Variants in CSMD1 observed in about 807,000 individuals in gnomAD.
CSMD1 encodes the protein CUB and sushi domain-containing protein 1.
CSMD1 carries 213 observed loss-of-function variants against 417.5 expected under a neutral mutation model. That is an observed-to-expected ratio of 0.51 (90% confidence interval 0.46 to 0.57). The LOEUF is 0.57. Ranked by LOEUF, CSMD1 falls within the 20% of genes least tolerant of loss-of-function variation. The pLI is 0.00. For synonymous variants in CSMD1, 2,862 were observed against 1,736.8 expected, an observed-to-expected ratio of 1.65 and a Z score of -16.11; for missense variants, 6,923 against 4,529.7, an observed-to-expected ratio of 1.53 and a Z score of -15.17.
In CSMD1 at chr8:3,253,051, T is replaced by C. The variant is rs150807806; in HGVS notation, c.4154-22820A>G. Among the ~76,000 whole-genome samples, 438 of 152,210 alleles carry C rather than the reference T, an allele frequency of 2.9e-3. 2 individuals carry two copies. Among genetic ancestry groups the C allele is most frequent in the African/African-American group, 0.01 (417 of 41,546 alleles). The stretch of plus-strand genomic sequence containing the variant: ...TTGATTTTTTGAAGGGTATTTTAGT[T>C]ATTTCTTTCCTTCTGCTAGCTTTTG... On this transcript the variant is annotated intron_variant, in intron 26 of 69. Transcript: ENST00000635120.
rs569372915 is a variant in CSMD1, at chr8:4,973,932, A to T, written c.85+20400T>A. Among the ~76,000 whole-genome samples the T allele has an allele frequency of 3.9e-5, 6 of 152,350 alleles. No individual in the cohort carries two copies. In the South Asian group the frequency reaches 8.3e-4, roughly 21 times the overall value. On this transcript the variant is annotated intron_variant, in intron 1 of 69. Coordinates refer to ENST00000635120, the MANE Select transcript of CSMD1 (RefSeq NM_033225.6). ...AAGTCTGTCTGTTTCTTGGAATAAA[A>T]AGGAAAAGTAATTTTTACAAAGCTA...
intron 7 of CSMD1, among the ~76,000 whole-genome samples, chr8:3,697,453 C>G (rs904237021): frequency 6.6e-5 from 10 of 152,164 alleles, no homozygotes; most frequent in African/African-American, 2.4e-4. Flanking sequence ...AATTAATTAT[C>G]TTGCTGACTT....
At chr8:4,792,215 G>C (rs1172980578) in intron 1 of CSMD1, among the ~76,000 whole-genome samples, 2 of 152,042 alleles carry the variant, frequency 1.3e-5, no homozygotes, top group South Asian at 2.1e-4. Flanking sequence ...AGACACAAAA[G>C]TAGAGATTAA....
intron 26 of CSMD1, among the ~76,000 whole-genome samples, chr8:3,261,107 A>G (rs950745764): frequency 6.6e-6 from 1 of 152,246 alleles, no homozygotes; most frequent in African/African-American, 2.4e-5. Flanking sequence ...AAATAAATGC[A>G]GAGATATCAC....
chr8:4,138,483 A>C (rs1320883155), intron 3 of CSMD1, among the ~76,000 whole-genome samples: 1 of 152,106 alleles, frequency 6.6e-6, no homozygotes, highest in Non-Finnish European at 1.5e-5. Flanking sequence ...AAGTGCCTTC[A>C]TTCCATCCAC....
intron 3 of CSMD1, among the ~76,000 whole-genome samples, chr8:4,183,586 A>C (rs1227652332): frequency 6.6e-6 from 1 of 152,222 alleles, no homozygotes; most frequent in Non-Finnish European, 1.5e-5. Flanking sequence ...ACTTAAGTAA[A>C]AATTCATAAT....
chr8:4,653,890 A>G (rs1804063140), intron 1 of CSMD1, among the ~76,000 whole-genome samples: 2 of 152,096 alleles, frequency 1.3e-5, no homozygotes, highest in South Asian at 4.1e-4. Context: ...CATGCAAAAT[A>G]TCTCAGTAGT....
At chr8:3,333,932 T>C (rs1807071679) in intron 23 of CSMD1, among the ~76,000 whole-genome samples, 1 of 152,236 alleles carries the variant, frequency 6.6e-6, no homozygotes, top group Non-Finnish European at 1.5e-5. Context: ...AATTAGATTG[T>C]AGAAAATGTG....
intron 7 of CSMD1, among the ~76,000 whole-genome samples, chr8:3,630,454 G>T (rs563559048): frequency 1.3e-5 from 2 of 152,170 alleles, no homozygotes; most frequent in Non-Finnish European, 2.9e-5. Context: ...GAACAAGAAA[G>T]AAGAAAAGGA....
chr8:3,220,585 C>G (rs12547160), intron 28 of CSMD1, among the ~76,000 whole-genome samples: 41,579 of 152,126 alleles, frequency 0.27, 5,823 homozygotes, highest in East Asian at 0.3. Context: ...GTAATCCCAG[C>G]ACTTTGGGAG....
rs571495463 is a variant in CSMD1 at position 3,368,481 on chromosome 8, C to T, written c.2899+773G>A. 5.3e-5 allele frequency among the ~76,000 whole-genome samples: 8 copies of T among 152,252 alleles called. No individual in the cohort carries two copies. The South Asian group carries it at 1.7e-3, about 32-fold the overall frequency. ...CCCCCAGAGTAGCTGCGATTACAGGCATGCACCACGATGCCTGGCTAATTA... is the reference window on the plus strand; with the variant it reads ...CCCCCAGAGTAGCTGCGATTACAGGTATGCACCACGATGCCTGGCTAATTA... On this transcript the variant is annotated intron_variant, in intron 19 of 69. Coordinates refer to ENST00000635120, the MANE Select transcript of CSMD1 (RefSeq NM_033225.6).
intron 1 of CSMD1, among the ~76,000 whole-genome samples, chr8:4,792,983 A>AATATAT (rs34947549): frequency 1.0e-4 from 15 of 148,582 alleles, no homozygotes; most frequent in African/African-American, 3.7e-4. Flanking sequence ...ATGTGTATGC[A>AATATAT]ATATATATAT....
At chr8:4,406,684 T>C (rs1805048421) in intron 3 of CSMD1, among the ~76,000 whole-genome samples, 1 of 152,090 alleles carries the variant, frequency 6.6e-6, no homozygotes, top group Admixed American at 6.5e-5. Context: ...ACACAAAAAC[T>C]ACACAAAGAA....
intron 3 of CSMD1, among the ~76,000 whole-genome samples, chr8:4,090,099 CT>C (rs1218375698): frequency 2.0e-5 from 3 of 152,116 alleles, no homozygotes; most frequent in African/African-American, 7.2e-5. Flanking sequence ...TTAAATACAC[CT>C]TTTGCTATGT....
chr8:4,071,688 G>A (rs1007039487), intron 3 of CSMD1, among the ~76,000 whole-genome samples: 3 of 152,058 alleles, frequency 2.0e-5, no homozygotes, highest in South Asian at 4.1e-4. Context: ...TGTGAATTTG[G>A]TTTATTTTTG....
intron 2 of CSMD1, among the ~76,000 whole-genome samples, chr8:4,464,102 A>C (rs971437041): frequency 9.9e-5 from 15 of 152,148 alleles, no homozygotes; most frequent in Non-Finnish European, 1.8e-4. Flanking sequence ...TTTCTAAAAG[A>C]ATGAGATAGA....
chr8:3,720,675 T>C (rs923344797), intron 6 of CSMD1, among the ~76,000 whole-genome samples: 2 of 145,066 alleles, frequency 1.4e-5, no homozygotes, highest in African/African-American at 5.3e-5. Context: ...TTCTCCTTCA[T>C]GACCCATGGG....
intron 1 of CSMD1, among the ~76,000 whole-genome samples, chr8:4,921,841 G>A (rs73659288): frequency 0.016 from 2,375 of 152,236 alleles, 68 homozygotes; most frequent in African/African-American, 0.054. Flanking sequence ...TCAAGGGAAC[G>A]TTACTCAATC....
intron 52 of CSMD1, among the ~76,000 whole-genome samples, chr8:3,000,878 T>G (rs1422279911): frequency 6.6e-6 from 1 of 152,184 alleles, no homozygotes; most frequent in Non-Finnish European, 1.5e-5. Context: ...AATGTCCATG[T>G]AGATAGTAAA....
Sources: gnomAD v4.1 joint callset for allele counts (sites outside exome capture counted in the v4.1 genomes callset) on GRCh38, gnomAD v4.1.1 for gene constraint, MANE v1.5 for transcripts, NCBI Gene and HGNC (gene_info 2026-07-23, HGNC 2026-07-21) for gene names.